Variants in ADCY8 observed in about 807,000 individuals in gnomAD.
ADCY8 encodes the protein adenylate cyclase 8.
Under a neutral mutation model 119.7 loss-of-function variants are expected in ADCY8, and 51 were observed. The ratio of observed to expected loss-of-function variants is 0.43; its 90% CI spans 0.34 to 0.54. The LOEUF is 0.54. Among genes scored for constraint, ADCY8 ranks in the 20% least tolerant of loss-of-function variants. The pLI, the probability that ADCY8 is intolerant of heterozygous loss-of-function variation, is 0.03. For synonymous variants in ADCY8, 665 were observed against 651.0 expected (o/e 1.02, Z -0.33); for missense variants, 1,383 against 1,598.8 (o/e 0.87, Z 2.30).
At chr8:130,919,415 G>C (rs1820233433) in intron 5 of ADCY8, among the ~76,000 whole-genome samples, 1 of 152,198 alleles carries the variant, frequency 6.6e-6, no homozygotes, top group Admixed American at 6.5e-5. Context: ...TGTGTCAACA[G>C]GAATTTCATG....
At position 130,954,368 on chromosome 8, in the gene ADCY8, T is replaced by A. The variant is rs552128976; in HGVS notation, c.1111-2370A>T. On this transcript the variant is annotated intron_variant, in intron 2 of 17. Coordinates refer to ENST00000286355, the MANE Select transcript of ADCY8 (RefSeq NM_001115.3). The stretch of plus-strand genomic sequence containing the variant: ...CATTCACAGGACCTAGTTAGGAAGA[T>A]GTTCCTCCCTGAAATTCAAGTCCAT... Among the ~76,000 whole-genome samples the A allele has an allele frequency of 3.3e-5, 5 of 152,288 alleles. 1 individual carries two copies. In the South Asian group the frequency reaches 8.3e-4, roughly 25 times the overall value.
At chr8:130,880,938 G>T (rs1818747578) in intron 8 of ADCY8, among the ~76,000 whole-genome samples, 1 of 152,196 alleles carries the variant, frequency 6.6e-6, no homozygotes, top group African/African-American at 2.4e-5. Context: ...CACAGATAAA[G>T]AATCCAAGGA....
chr8:130,925,836 C>T (rs1282032560), intron 5 of ADCY8, among the ~76,000 whole-genome samples: 1 of 152,170 alleles, frequency 6.6e-6, no homozygotes, highest in African/African-American at 2.4e-5. Flanking sequence ...CTTTCTATTT[C>T]ACAGCTGCTG....
chr8:130,821,543 T>A (rs1346651239), intron 12 of ADCY8, 123 bp from the exon 13 acceptor site: 3 of 690,692 alleles, frequency 4.3e-6, no homozygotes, highest in Non-Finnish European at 7.6e-6. Flanking sequence ...GCACCTATTA[T>A]GTGATAGTGG....
At chr8:130,819,744 C>G (rs1435847147) in intron 13 of ADCY8, among the ~76,000 whole-genome samples, 1 of 151,908 alleles carries the variant, frequency 6.6e-6, no homozygotes. Context: ...TAGCAGAAGA[C>G]AAGACCCCAG....
chr8:130,956,758 G>T (rs1357086011), intron 2 of ADCY8, among the ~76,000 whole-genome samples: 2 of 152,132 alleles, frequency 1.3e-5, no homozygotes, highest in Non-Finnish European at 2.9e-5. Context: ...CTGTTCTCAT[G>T]GTAGTGAATA....
At chr8:130,852,521 T>C (rs1285221073) in intron 9 of ADCY8, among the ~76,000 whole-genome samples, 3 of 152,114 alleles carry the variant, frequency 2.0e-5, no homozygotes, top group Admixed American at 1.3e-4. Context: ...AGGGGGCCAA[T>C]TGCAAGGCTC....
intron 8 of ADCY8, among the ~76,000 whole-genome samples, chr8:130,873,255 G>C (rs1446348377): frequency 6.6e-6 from 1 of 151,988 alleles, no homozygotes; most frequent in Non-Finnish European, 1.5e-5. Context: ...ATTTCTACAA[G>C]ATGTAGAAGA....
chr8:130,963,113 CTTTT>C (rs764620332), intron 2 of ADCY8, among the ~76,000 whole-genome samples: 2 of 130,364 alleles, frequency 1.5e-5, no homozygotes, highest in Admixed American at 7.7e-5. Flanking sequence ...GTTTTTCTTT[CTTTT>C]TTTTTTTTTT....
intron 2 of ADCY8, among the ~76,000 whole-genome samples, chr8:130,968,404 C>T (rs1205896725): frequency 6.6e-6 from 1 of 152,162 alleles, no homozygotes; most frequent in Non-Finnish European, 1.5e-5. Context: ...ATCTCCTGAC[C>T]TCGTGATCTG....
intron 2 of ADCY8, among the ~76,000 whole-genome samples, chr8:130,988,325 G>A (rs1822467188): frequency 6.6e-6 from 1 of 152,176 alleles, no homozygotes; most frequent in Admixed American, 6.5e-5. Context: ...TGGTCAACAT[G>A]CCACAAACTT....
At chr8:131,016,978 G>T (rs1309154300) in intron 1 of ADCY8, among the ~76,000 whole-genome samples, 2 of 151,956 alleles carry the variant, frequency 1.3e-5, no homozygotes, top group Admixed American at 1.3e-4. Context: ...TTCCTATCTA[G>T]GATGTTGGAG....
intron 2 of ADCY8, among the ~76,000 whole-genome samples, chr8:130,957,665 G>A (rs1821471698): frequency 6.6e-6 from 1 of 152,136 alleles, no homozygotes; most frequent in Non-Finnish European, 1.5e-5. Flanking sequence ...GGTTTAATGG[G>A]CCAGGCCCAG....
At chr8:130,897,703 T>TA (rs1255925526) in intron 7 of ADCY8, among the ~76,000 whole-genome samples, 1 of 162 alleles carries the variant, frequency 6.2e-3, no homozygotes. Flanking sequence ...ACACCTCACA[T>TA]CATATGCACA....
At chr8:130,906,499 C>A (rs180898030) in intron 6 of ADCY8, among the ~76,000 whole-genome samples, 2 of 152,284 alleles carry the variant, frequency 1.3e-5, no homozygotes, top group East Asian at 1.9e-4. Flanking sequence ...GAGATCCTTG[C>A]CTTCACTGAT....
intron 16 of ADCY8, 33 bp from the exon 17 acceptor site, chr8:130,783,838 A>G: frequency 6.5e-7 from 1 of 1,545,796 alleles, no homozygotes; most frequent in Middle Eastern, 1.7e-4. Flanking sequence ...AAATCATTTA[A>G]TGCGGAATGT....
At chr8:130,951,764 A>G in intron 3 of ADCY8, 104 bp downstream of exon 3, 1 of 1,398,754 alleles carries the variant, frequency 7.1e-7, no homozygotes, top group Non-Finnish European at 9.8e-7. Flanking sequence ...CAGATGAGGA[A>G]AGGTGCTGAC....
At chr8:130,809,781 G>T (rs1321793979) in intron 14 of ADCY8, among the ~76,000 whole-genome samples, 6 of 152,198 alleles carry the variant, frequency 3.9e-5, no homozygotes, top group Admixed American at 2.6e-4. Flanking sequence ...CTCAAAAGGG[G>T]TTAGAATCCA....
chr8:130,933,018 C>T (rs10087086), intron 5 of ADCY8, among the ~76,000 whole-genome samples: 18,282 of 152,172 alleles, frequency 0.12, 1,306 homozygotes, highest in Non-Finnish European at 0.17. Flanking sequence ...ATCTTACCAA[C>T]AGAGCACTGG....
Sources: allele counts gnomAD v4.1 joint callset (sites outside exome capture counted in the v4.1 genomes callset), GRCh38; gene constraint gnomAD v4.1.1; transcripts MANE v1.5; gene names NCBI Gene and HGNC (gene_info 2026-07-23, HGNC 2026-07-21).